The following ADCK1 variants were observed in gnomAD, a reference collection of about 807,000 sequenced individuals.
The protein encoded by ADCK1 is aarF domain-containing protein kinase 1.
Under a neutral mutation model 52.3 loss-of-function variants are expected in ADCK1, and 41 were observed. The ratio of observed to expected loss-of-function variants is 0.78; its 90% CI spans 0.61 to 1.02. ADCK1 has a LOEUF of 1.02. Among genes scored for constraint, ADCK1 ranks in the 50% least tolerant of loss-of-function variants. The pLI is 0.00. For synonymous variants in ADCK1, 250 were observed against 274.6 expected (o/e 0.91, Z 0.89); for missense variants, 658 against 679.5 (o/e 0.97, Z 0.35).
Position 77,933,244 on chromosome 14 carries a change from A to C in ADCK1, c.1425A>C (p.Ser475=), listed in dbSNP as rs752781136. Residue 475 remains serine, a synonymous_variant, in exon 11 of 11, where the codon TCA becomes TCC. Transcript: ENST00000238561. Reference sequence around the variant, plus strand: ...GGCACAAGAAGAAGAATACCTGTTCATTCTTCAGAAGGACCCAGATCTCTT... The same window carrying C: ...GGCACAAGAAGAAGAATACCTGTTCCTTCTTCAGAAGGACCCAGATCTCTT... ...LAEHKKKNTC[S]FFRRTQISFS... 1 of 1,613,944 alleles carries C rather than the reference A, an allele frequency of 6.2e-7. No individual in the cohort carries two copies. The highest frequency in any genetic ancestry group is 1.7e-5 in the Admixed American group (1 of 59,990).
chr14:77,866,636 G>C (rs1025283862), intron 4 of ADCK1, among the ~76,000 whole-genome samples: 9 of 152,200 alleles, frequency 5.9e-5, no homozygotes, highest in African/African-American at 2.2e-4. Flanking sequence ...GATGAGGGGT[G>C]AGAGGAGGTG....
chr14:77,887,859 G>C (rs948494764), intron 5 of ADCK1, among the ~76,000 whole-genome samples: 2 of 152,180 alleles, frequency 1.3e-5, no homozygotes, highest in Admixed American at 1.3e-4. Flanking sequence ...CACCGCCTAC[G>C]GGGAGGTCAG....
chr14:77,831,731 A>G (rs938012843), intron 3 of ADCK1, among the ~76,000 whole-genome samples: 2 of 151,728 alleles, frequency 1.3e-5, no homozygotes, highest in Non-Finnish European at 2.9e-5. Flanking sequence ...ATGGGATTAC[A>G]GGTGTGAGCC....
At chr14:77,818,734 G>A (rs1241943727) in intron 1 of ADCK1, among the ~76,000 whole-genome samples, 2 of 152,190 alleles carry the variant, frequency 1.3e-5, no homozygotes, top group African/African-American at 4.8e-5. Context: ...AGGACTTTGA[G>A]GACTGACTTG....
intron 4 of ADCK1, among the ~76,000 whole-genome samples, chr14:77,867,636 G>A (rs950809602): frequency 7.9e-5 from 12 of 152,186 alleles, no homozygotes; most frequent in Middle Eastern, 3.2e-3. Context: ...GGAGAGGCAA[G>A]GCAATGGTCG....
At chr14:77,837,720 A>T (rs17106446) in intron 3 of ADCK1, among the ~76,000 whole-genome samples, 3 of 152,172 alleles carry the variant, frequency 2.0e-5, no homozygotes, top group African/African-American at 7.2e-5. Context: ...CATCAGAGCC[A>T]TCTGTCAAGC....
chr14:77,894,728 C>CTTTTTTTT (rs2083363402), intron 5 of ADCK1, among the ~76,000 whole-genome samples: 1 of 56,272 alleles, frequency 1.8e-5, no homozygotes, highest in Non-Finnish European at 4.3e-5. Flanking sequence ...TTTTTCTTTT[C>CTTTTTTTT]TTTTCTTGTT....
At chr14:77,830,477 G>T (rs552558395) in intron 3 of ADCK1, among the ~76,000 whole-genome samples, 1 of 151,014 alleles carries the variant, frequency 6.6e-6, no homozygotes, top group Admixed American at 6.6e-5. Context: ...AATTAAATAT[G>T]AGACAGAGTC....
In ADCK1 at chr14:77,924,528, C is replaced by T; in HGVS notation, c.930C>T (p.His310=). Residue 310 remains histidine (H), a synonymous_variant, in exon 8 of 11, where the codon CAC becomes CAT. Transcript: ENST00000238561. ...ATGGCTTCGTGCACTGCGATCCCCA[C>T]CCCGGCAATGTACTGGTGCGGAAGC... ...FVNGFVHCDP[H]PGNVLVRKHP... 1 of 1,614,122 alleles carries T rather than the reference C, an allele frequency of 6.2e-7. No homozygotes were observed. The highest frequency in any genetic ancestry group is 8.5e-7 in the Non-Finnish European group (1 of 1,180,038).
intron 5 of ADCK1, among the ~76,000 whole-genome samples, chr14:77,892,812 C>T (rs1298864663): frequency 6.6e-6 from 1 of 152,176 alleles, no homozygotes; most frequent in African/African-American, 2.4e-5. Flanking sequence ...GAAGGATGTA[C>T]AAACTTGGGG....
At chr14:77,882,491 G>A (rs1481957045) in intron 4 of ADCK1, among the ~76,000 whole-genome samples, 1 of 152,186 alleles carries the variant, frequency 6.6e-6, no homozygotes, top group Non-Finnish European at 1.5e-5. Flanking sequence ...AACCAAAATC[G>A]GCCTGACGTG....
intron 7 of ADCK1, among the ~76,000 whole-genome samples, chr14:77,920,277 A>G (rs2084019858): frequency 6.6e-6 from 1 of 152,112 alleles, no homozygotes; most frequent in Non-Finnish European, 1.5e-5. Context: ...TTGATTTTTT[A>G]TAAAGTGAGA....
At chr14:77,904,244 A>C (rs1231376376) in intron 6 of ADCK1, among the ~76,000 whole-genome samples, 1 of 152,200 alleles carries the variant, frequency 6.6e-6, no homozygotes, top group Non-Finnish European at 1.5e-5. Context: ...GTTGAGTGCC[A>C]GTACTCTGCT....
At chr14:77,842,516 A>C (rs1224042965) in intron 3 of ADCK1, among the ~76,000 whole-genome samples, 63 of 70,412 alleles carry the variant, frequency 8.9e-4, no homozygotes, top group East Asian at 5.6e-3. Flanking sequence ...TCCTTCCTTC[A>C]TTTCCTCCCT....
At chr14:77,865,887 G>A (rs1377891329) in intron 4 of ADCK1, among the ~76,000 whole-genome samples, 2 of 152,196 alleles carry the variant, frequency 1.3e-5, no homozygotes, top group African/African-American at 2.4e-5. Context: ...GGCAGTAAAC[G>A]TTAATAATTC....
At chr14:77,903,758 G>T (rs186466134) in intron 6 of ADCK1, among the ~76,000 whole-genome samples, 55 of 152,290 alleles carry the variant, frequency 3.6e-4, no homozygotes, top group Non-Finnish European at 6.8e-4. Context: ...AGGAGCCCAG[G>T]ACTCTAGAAA....
chr14:77,932,283 G>A (rs1385320267), intron 10 of ADCK1, among the ~76,000 whole-genome samples: 3 of 151,994 alleles, frequency 2.0e-5, no homozygotes, highest in Non-Finnish European at 4.4e-5. Flanking sequence ...TCCTGACCTC[G>A]AGTGATCCAC....
chr14:77,809,061 T>G (rs894840308), intron 1 of ADCK1, among the ~76,000 whole-genome samples: 4 of 151,916 alleles, frequency 2.6e-5, no homozygotes, highest in Admixed American at 6.6e-5. Context: ...AGGGATTGAG[T>G]GTGGAGGTAT....
intron 6 of ADCK1, among the ~76,000 whole-genome samples, chr14:77,903,440 T>G (rs933800429): frequency 1.3e-5 from 2 of 152,172 alleles, no homozygotes; most frequent in Admixed American, 1.3e-4. Context: ...CTCAGCCCTG[T>G]GCTATAAATC....
Sources: gnomAD v4.1 joint callset for allele counts (sites outside exome capture counted in the v4.1 genomes callset) on GRCh38, gnomAD v4.1.1 for gene constraint, MANE v1.5 for transcripts, NCBI Gene and HGNC (gene_info 2026-07-23, HGNC 2026-07-21) for gene names.